EPM2A: variants seen among roughly 807,000 people sequenced by gnomAD.
EPM2A encodes laforin.
EPM2A carries 21 observed loss-of-function variants against 26.5 expected under a neutral mutation model. The observed-to-expected ratio is 0.79, with a 90% CI of 0.56 to 1.14. EPM2A has a LOEUF of 1.14. Ranked by LOEUF, EPM2A falls within the 50% of genes most tolerant of loss-of-function variation. The pLI is 0.00. For synonymous variants in EPM2A, 217 were observed against 177.6 expected, an observed-to-expected ratio of 1.22 and a Z score of -1.76; for missense variants, 458 against 440.8, an observed-to-expected ratio of 1.04 and a Z score of -0.35.
At chr6:145,544,131 C>T (rs1011955547) in intron 2 of EPM2A, among the ~76,000 whole-genome samples, 1 of 152,034 alleles carries the variant, frequency 6.6e-6, no homozygotes, top group African/African-American at 2.4e-5. Flanking sequence ...GCAGGCAGAA[C>T]CCAGAAAATC....
intron 1 of EPM2A, among the ~76,000 whole-genome samples, chr6:145,690,870 T>G (rs575542635): frequency 9.3e-5 from 14 of 151,302 alleles, no homozygotes; most frequent in Middle Eastern, 3.4e-3. Flanking sequence ...AATAGATGGG[T>G]TTAAGAGCAA....
chr6:145,469,407 C>A (rs1196945809), intron 4 of EPM2A, among the ~76,000 whole-genome samples: 1 of 151,950 alleles, frequency 6.6e-6, no homozygotes, highest in African/African-American at 2.4e-5. Flanking sequence ...AAATGGAAAA[C>A]AATCATATAA....
intron 4 of EPM2A, among the ~76,000 whole-genome samples, chr6:145,464,022 T>TA (rs1779357144): frequency 6.6e-6 from 1 of 152,156 alleles, no homozygotes; most frequent in Non-Finnish European, 1.5e-5. Flanking sequence ...GATGGTTTTA[T>TA]AAGTGGCAGT....
intron 1 of EPM2A, among the ~76,000 whole-genome samples, chr6:145,730,253 AAC>A (rs1776420118): frequency 6.6e-6 from 1 of 152,234 alleles, no homozygotes; most frequent in African/African-American, 2.4e-5. Context: ...GAGGTAGTCA[AAC>A]ACAATAGTTC....
At chr6:145,637,316 T>C (rs1284088002) in intron 2 of EPM2A, 1 of 152,152 alleles carries the variant, frequency 6.6e-6, no homozygotes, top group East Asian at 1.9e-4. Flanking sequence ...CTTTTTTCCT[T>C]TTGGTGGTGG....
At chr6:145,700,715 A>AT (rs1781864440) in intron 1 of EPM2A, among the ~76,000 whole-genome samples, 1 of 152,168 alleles carries the variant, frequency 6.6e-6, no homozygotes, top group South Asian at 2.1e-4. Flanking sequence ...ATTGAGAAAT[A>AT]TTTTACATTT....
At chr6:145,722,496 T>C (rs569460961) in intron 1 of EPM2A, among the ~76,000 whole-genome samples, 1 of 152,308 alleles carries the variant, frequency 6.6e-6, no homozygotes, top group African/African-American at 2.4e-5. Context: ...AGAGTTTCTA[T>C]ATGGGATATT....
chr6:145,540,542 T>G (rs1243028222), intron 2 of EPM2A, among the ~76,000 whole-genome samples: 1 of 152,190 alleles, frequency 6.6e-6, no homozygotes, highest in African/African-American at 2.4e-5. Context: ...TATGTTAGAA[T>G]CCTAGAGCAG....
intron 4 of EPM2A, among the ~76,000 whole-genome samples, chr6:145,431,589 A>G (rs1296711565): frequency 6.6e-6 from 1 of 152,222 alleles, no homozygotes; most frequent in Non-Finnish European, 1.5e-5. Flanking sequence ...TTTTAAAAGT[A>G]CTTTATTGCT....
chr6:145,604,802 T>A (rs888828780), intron 2 of EPM2A, among the ~76,000 whole-genome samples: 60 of 152,150 alleles, frequency 3.9e-4, no homozygotes, highest in African/African-American at 1.4e-3. Context: ...AGCTGCTGTA[T>A]TTTCTTCTCA....
At chr6:145,705,463 G>A (rs1445974465) in intron 1 of EPM2A, 1 of 412,158 alleles carries the variant, frequency 2.4e-6, no homozygotes, top group Non-Finnish European at 4.8e-6. Flanking sequence ...GCTGAGGTGG[G>A]AAGGTCACCT....
In EPM2A at chr6:145,730,816, T is replaced by C. The variant is rs116947078; in HGVS notation, c.301+4382A>G. On this transcript the variant is annotated intron_variant, in intron 1 of 3. Coordinates refer to ENST00000367519, the MANE Select transcript of EPM2A (RefSeq NM_005670.4). ...GATGTTACGAGAAAGAATCAGTAGG[T>C]AGTTAGGGAGGTCTTCTAGAAAAGC... Among the ~76,000 whole-genome samples, 24 of 152,276 alleles carry C rather than the reference T, an allele frequency of 1.6e-4. No homozygotes were observed. The East Asian group carries it at 4.6e-3, about 29-fold the overall frequency.
chr6:145,585,642 T>C (rs1369703248), intron 2 of EPM2A, among the ~76,000 whole-genome samples: 1 of 152,206 alleles, frequency 6.6e-6, no homozygotes, highest in Non-Finnish European at 1.5e-5. Context: ...ATGGGTTATA[T>C]TTTCCTGTTT....
At chr6:145,552,528 A>T (rs9399553) in intron 2 of EPM2A, among the ~76,000 whole-genome samples, 54,217 of 151,902 alleles carry the variant, frequency 0.36, 10,191 homozygotes, top group South Asian at 0.51. Context: ...TTTAGACAAA[A>T]ATGAATGTTA....
At chr6:145,572,615 A>T (rs562619608) in intron 2 of EPM2A, among the ~76,000 whole-genome samples, 121 of 152,328 alleles carry the variant, frequency 7.9e-4, no homozygotes, top group African/African-American at 2.7e-3. Flanking sequence ...AAAGGAGAGT[A>T]GTTATCTGCA....
chr6:145,392,167 T>G (rs1329971147), intron 4 of EPM2A, among the ~76,000 whole-genome samples: 2 of 152,180 alleles, frequency 1.3e-5, no homozygotes, highest in Non-Finnish European at 2.9e-5. Flanking sequence ...TTGACATGCT[T>G]AAATTAGTTT....
chr6:145,683,592 A>G (rs1006460109), intron 2 of EPM2A, among the ~76,000 whole-genome samples: 7 of 152,116 alleles, frequency 4.6e-5, no homozygotes, highest in African/African-American at 1.7e-4. Context: ...TCACCTGCAC[A>G]TACAGCTTTG....
At chr6:145,676,636 G>T (rs1213645690) in intron 2 of EPM2A, among the ~76,000 whole-genome samples, 2 of 152,070 alleles carry the variant, frequency 1.3e-5, no homozygotes, top group East Asian at 3.9e-4. Flanking sequence ...TACCATCAGA[G>T]AATACTATAA....
intron 2 of EPM2A, among the ~76,000 whole-genome samples, chr6:145,522,213 A>G (rs1426195938): frequency 6.6e-6 from 1 of 152,054 alleles, no homozygotes; most frequent in Admixed American, 6.5e-5. Context: ...CAGCCTCCCA[A>G]AGTGCTGGGA....
Sources: allele counts gnomAD v4.1 joint callset (sites outside exome capture counted in the v4.1 genomes callset), GRCh38; gene constraint gnomAD v4.1.1; transcripts MANE v1.5; gene names NCBI Gene and HGNC (gene_info 2026-07-23, HGNC 2026-07-21).